ZNF438: variants seen among roughly 807,000 people sequenced by gnomAD.
ZNF438 encodes zinc finger protein 438.
A neutral mutation model predicts 38.0 loss-of-function variants in ZNF438; 25 were observed. That is an observed-to-expected ratio of 0.66 (90% CI 0.48 to 0.92). ZNF438 has a LOEUF of 0.92. Ranked by LOEUF, ZNF438 falls within the 40% of genes least tolerant of loss-of-function variation. The probability of loss-of-function intolerance (pLI) is 0.00; values close to 1 mark genes in which losing one functional copy is unlikely to be tolerated. For synonymous variants in ZNF438, 372 were observed against 364.1 expected, an observed-to-expected ratio of 1.02 and a Z score of -0.25; for missense variants, 1,007 against 999.6, an observed-to-expected ratio of 1.01 and a Z score of -0.10.
Position 30,916,797 on chromosome 10 carries a change from T to G in ZNF438, c.-114-7782A>C, listed in dbSNP as rs557967300. Among the ~76,000 whole-genome samples, 67 of 152,074 alleles carry G rather than the reference T, an allele frequency of 4.4e-4. 2 individuals are homozygous for G. In the South Asian group the frequency reaches 5.8e-3, roughly 13 times the overall value. ...ATTTCTCTATGTAGATTACCAAGAG[T>G]TTCTATGCCTCAGAGTGGAGTTGCT... On this transcript the variant is annotated intron_variant, in intron 2 of 5. Transcript: ENST00000413025.
At chr10:31,024,011 TTAAG>T (rs1261286712) in intron 1 of ZNF438, among the ~76,000 whole-genome samples, 4 of 152,232 alleles carry the variant, frequency 2.6e-5, no homozygotes, top group African/African-American at 9.6e-5. Flanking sequence ...AAGTTTCTAC[TTAAG>T]TCAAATTAGA....
At chr10:30,923,227 T>C (rs1013995633) in intron 2 of ZNF438, 1 of 152,216 alleles carries the variant, frequency 6.6e-6, no homozygotes, top group Non-Finnish European at 1.5e-5. Context: ...TTGTAAACAC[T>C]GACATTTTAA....
intron 4 of ZNF438, among the ~76,000 whole-genome samples, chr10:30,867,545 C>T (rs2133337523): frequency 6.6e-6 from 1 of 152,222 alleles, no homozygotes; most frequent in East Asian, 1.9e-4. Context: ...TTAGAGTCCT[C>T]AATAATTTTT....
intron 2 of ZNF438, among the ~76,000 whole-genome samples, chr10:30,909,328 C>A (rs748321326): frequency 2.3e-4 from 35 of 152,160 alleles, no homozygotes; most frequent in Non-Finnish European, 4.6e-4. Flanking sequence ...CATTCAGCAC[C>A]TTCACACATA....
chr10:31,026,921 G>C (rs2056981998), intron 1 of ZNF438, among the ~76,000 whole-genome samples: 1 of 152,166 alleles, frequency 6.6e-6, no homozygotes. Context: ...ATAAAAAAAG[G>C]ATGAGTTCAT....
At chr10:30,950,034 T>C (rs1189457639) in intron 1 of ZNF438, among the ~76,000 whole-genome samples, 1 of 151,532 alleles carries the variant, frequency 6.6e-6, no homozygotes, top group African/African-American at 2.4e-5. Context: ...AGAACAGAAA[T>C]TATAACAAAC....
intron 4 of ZNF438, among the ~76,000 whole-genome samples, chr10:30,876,417 T>G (rs919163479): frequency 6.6e-6 from 1 of 152,192 alleles, no homozygotes; most frequent in Non-Finnish European, 1.5e-5. Flanking sequence ...AAGAAAGGAC[T>G]CTACCTCCAT....
rs777792560 is a variant in ZNF438, at chr10:30,849,084, T to C, written c.1321A>G (p.Ile441Val). The change falls in exon 5 of 6, where the codon ATC becomes GTC. Residue 441 changes from isoleucine (I) to valine (V), a missense_variant. Transcript: ENST00000413025. ...GAGGCCAAAGTGGGTATGACCATGA[T>C]AGGTTTGGGCATAATGCTACGGTAT... is the stretch of plus-strand genomic sequence containing the variant. The C allele has an allele frequency of 3.7e-6, 6 of 1,614,058 alleles. No homozygotes were observed. In the South Asian group the frequency reaches 4.4e-5, roughly 12 times the overall value.
intron 4 of ZNF438, among the ~76,000 whole-genome samples, chr10:30,857,291 G>C (rs865955677): frequency 7.4e-6 from 1 of 134,828 alleles, no homozygotes; most frequent in African/African-American, 2.8e-5. Flanking sequence ...CAGTCTTGCT[G>C]TCACCCAGGC....
intron 4 of ZNF438, among the ~76,000 whole-genome samples, chr10:30,854,583 A>G (rs1314136490): frequency 6.6e-6 from 1 of 152,250 alleles, no homozygotes; most frequent in Non-Finnish European, 1.5e-5. Context: ...CCATATTTTG[A>G]AAATTAAAAA....
chr10:30,964,832 G>C (rs1435857340), intron 1 of ZNF438, among the ~76,000 whole-genome samples: 1 of 152,016 alleles, frequency 6.6e-6, no homozygotes, highest in Non-Finnish European at 1.5e-5. Context: ...ATGGAACAAT[G>C]ACCTCAAACT....
chr10:30,869,225 T>TTA (rs1055861349), intron 4 of ZNF438, among the ~76,000 whole-genome samples: 21 of 152,138 alleles, frequency 1.4e-4, no homozygotes, highest in African/African-American at 4.8e-4. Flanking sequence ...ATACAAAAAA[T>TTA]TAGCCAGGTG....
At chr10:30,939,881 G>C (rs1261317752) in intron 2 of ZNF438, among the ~76,000 whole-genome samples, 1 of 152,236 alleles carries the variant, frequency 6.6e-6, no homozygotes, top group South Asian at 2.1e-4. Context: ...GAGTTAAATA[G>C]TCTTGGGAGG....
At chr10:31,031,623 G>C (rs888936867) in intron 1 of ZNF438, among the ~76,000 whole-genome samples, 1 of 152,074 alleles carries the variant, frequency 6.6e-6, no homozygotes, top group Non-Finnish European at 1.5e-5. Flanking sequence ...GTGCTGGCCC[G>C]GCCCCACGGG....
chr10:31,032,309 G>A (rs1171259049), upstream of ZNF438, among the ~76,000 whole-genome samples: 1 of 152,182 alleles, frequency 6.6e-6, no homozygotes, highest in Admixed American at 6.5e-5. Flanking sequence ...ACAGCCATTT[G>A]CTCTCCATCA....
intron 3 of ZNF438, among the ~76,000 whole-genome samples, chr10:30,903,346 A>G (rs2042253776): frequency 6.6e-6 from 1 of 152,154 alleles, no homozygotes; most frequent in African/African-American, 2.4e-5. Flanking sequence ...GCACACTGTC[A>G]CCTCTCAGCT....
At chr10:30,897,362 T>C (rs1433103220) in intron 3 of ZNF438, among the ~76,000 whole-genome samples, 1 of 152,212 alleles carries the variant, frequency 6.6e-6, no homozygotes, top group African/African-American at 2.4e-5. Context: ...TATCACCCCA[T>C]GTTCTCTGGT....
intron 3 of ZNF438, among the ~76,000 whole-genome samples, chr10:30,886,530 G>A (rs966154742): frequency 2.6e-5 from 4 of 152,084 alleles, no homozygotes; most frequent in Non-Finnish European, 5.9e-5. Context: ...CCTACCAAAC[G>A]TCGTAACTTA....
chr10:30,849,452 G>A lies in ZNF438; in HGVS notation c.953C>T (p.Ser318Phe), dbSNP rs201583761. ...ACAGTCGGCCTTAGGTCCTGGTAAA[G>A]AAAAACCTGCAATGTTAGCATCTGA... Residue 318 changes from serine to phenylalanine, a missense_variant, in exon 5 of 6, where the codon TCT becomes TTT. By Grantham distance (155) the Ser-to-Phe change is radical (BLOSUM62 -2). Transcript: ENST00000413025. 42 of 1,614,170 alleles carry A rather than the reference G, an allele frequency of 2.6e-5. No individual in the cohort carries two copies. In the Admixed American group the frequency reaches 6.7e-4, roughly 26 times the overall value.
Sources: allele counts gnomAD v4.1 joint callset (sites outside exome capture counted in the v4.1 genomes callset), GRCh38; gene constraint gnomAD v4.1.1; transcripts MANE v1.5; gene names NCBI Gene and HGNC (gene_info 2026-07-23, HGNC 2026-07-21).